STT3B: variants seen among roughly 807,000 people sequenced by gnomAD.
The protein encoded by STT3B is dolichyl-diphosphooligosaccharide--protein glycosyltransferase subunit STT3B.
STT3B carries 29 observed loss-of-function variants against 96.8 expected under a neutral mutation model. The ratio of observed to expected loss-of-function variants is 0.30; its 90% confidence interval spans 0.22 to 0.41. The LOEUF (loss-of-function observed/expected upper bound fraction) is 0.41, where lower values mean the gene tolerates loss of function less well. Among genes scored for constraint, STT3B ranks in the 10% least tolerant of loss-of-function variants. STT3B has a pLI of 1.00. For missense variants in STT3B, 640 were observed against 1,022.3 expected (o/e 0.63, Z 5.10); for synonymous variants, 367 against 360.0 (o/e 1.02, Z -0.22).
chr3:31,633,641 C>G (rs1699705745), intron 15 of STT3B, among the ~76,000 whole-genome samples: 1 of 151,870 alleles, frequency 6.6e-6, no homozygotes, highest in South Asian at 2.1e-4. Context: ...TGTGACAAAG[C>G]TTATAGGCAG....
intron 1 of STT3B, among the ~76,000 whole-genome samples, chr3:31,549,911 T>C (rs908105347): frequency 6.6e-5 from 10 of 152,326 alleles, no homozygotes; most frequent in Middle Eastern, 3.4e-3. Context: ...TGGGCTTAGC[T>C]GAGCAAAGTG....
chr3:31,584,368 A>C (rs1484429768), intron 3 of STT3B, among the ~76,000 whole-genome samples: 6 of 152,154 alleles, frequency 3.9e-5, no homozygotes, highest in African/African-American at 1.2e-4. Flanking sequence ...TAAGTCCTTC[A>C]ACTTTGTTGT....
At chr3:31,603,779 A>AT (rs1368666039) in intron 5 of STT3B, among the ~76,000 whole-genome samples, 2 of 152,180 alleles carry the variant, frequency 1.3e-5, no homozygotes, top group Admixed American at 6.5e-5. Flanking sequence ...TAGGGGAATG[A>AT]TTTTTTAATT....
Position 31,632,056 on chromosome 3 carries a change from A to G in STT3B, c.2188-879A>G, listed in dbSNP as rs567485714. Among the ~76,000 whole-genome samples, 292 of 151,570 alleles carry G rather than the reference A, an allele frequency of 1.9e-3. 2 individuals are homozygous for G. The highest frequency in any genetic ancestry group is 6.9e-3 in the African/African-American group (284 of 41,426). The stretch of plus-strand genomic sequence containing the variant: ...TTTTTTGTAGAGACAAGATCTTGCT[A>G]TGTTGCCCAGGCTGGTCTTGAACTC... On this transcript the variant is annotated intron_variant, in intron 14 of 15. Transcript: ENST00000295770.
intron 1 of STT3B, among the ~76,000 whole-genome samples, chr3:31,574,086 T>C (rs535459452): frequency 5.6e-4 from 86 of 152,232 alleles, no homozygotes; most frequent in African/African-American, 1.8e-3. Flanking sequence ...TTATTAGCAG[T>C]CCCTTGAAGT....
chr3:31,576,543 T>C (rs1402905210), intron 2 of STT3B, 39 bp downstream of exon 2: 3 of 1,182,338 alleles, frequency 2.5e-6, no homozygotes, highest in Non-Finnish European at 3.6e-6. Flanking sequence ...ATTATAACAT[T>C]TATTGTTACT....
At chr3:31,617,191 T>TTG in intron 7 of STT3B, 116 bp downstream of exon 7, 1 of 812,242 alleles carries the variant, frequency 1.2e-6, no homozygotes, top group Non-Finnish European at 1.7e-6. Flanking sequence ...TTTTTCTTTT[T>TTG]TTTTTTTTTT....
At chr3:31,615,868 A>T (rs1327976370) in intron 6 of STT3B, among the ~76,000 whole-genome samples, 1 of 151,898 alleles carries the variant, frequency 6.6e-6, no homozygotes, top group Non-Finnish European at 1.5e-5. Flanking sequence ...GGATTCTTAC[A>T]TCCTCTTTGT....
At chr3:31,564,517 C>T (rs575252252) in intron 1 of STT3B, among the ~76,000 whole-genome samples, 1 of 152,266 alleles carries the variant, frequency 6.6e-6, no homozygotes, top group African/African-American at 2.4e-5. Context: ...TAATATACAT[C>T]TCAATAAGTT....
In STT3B at chr3:31,573,048, A is replaced by T. The variant is rs150565278; in HGVS notation, c.315-3348A>T. Among the ~76,000 whole-genome samples the T allele has an allele frequency of 2.0e-5, 3 of 152,248 alleles. No homozygotes were observed. The East Asian group carries it at 5.8e-4, about 29-fold the overall frequency. On this transcript the variant is annotated intron_variant, in intron 1 of 15. Coordinates refer to ENST00000295770, the MANE Select transcript of STT3B (RefSeq NM_178862.3). The stretch of plus-strand genomic sequence containing the variant: ...AAGTTTGCAGGATGAGTTAACTGGG[A>T]TAGGGAGGGAGACATCAGTGATACA...
rs1285104381 is a variant in STT3B at position 31,610,293 on chromosome 3, C to T, written c.878-4812C>T. Among the ~76,000 whole-genome samples the T allele has an allele frequency of 3.9e-5, 6 of 152,232 alleles. 1 individual carries two copies. Among genetic ancestry groups the T allele is most frequent in the South Asian group, 4.1e-4 (2 of 4,824 alleles). On this transcript the variant is annotated intron_variant, in intron 5 of 15. Coordinates refer to ENST00000295770, the MANE Select transcript of STT3B (RefSeq NM_178862.3). ...TTGGTTGGATTTTAAAGTATCTACCCGTTGTGTGTGTTTTGGCTAATACTA... is the reference window on the plus strand; with the variant it reads ...TTGGTTGGATTTTAAAGTATCTACCTGTTGTGTGTGTTTTGGCTAATACTA...
At chr3:31,617,606 G>A (rs1029804963) in intron 7 of STT3B, among the ~76,000 whole-genome samples, 17 of 151,694 alleles carry the variant, frequency 1.1e-4, no homozygotes, top group Non-Finnish European at 1.6e-4. Flanking sequence ...CCTGCCCCCC[G>A]TTTATTTTAT....
intron 10 of STT3B, 100 bp from the exon 11 acceptor site, chr3:31,623,574 A>G: frequency 1.2e-6 from 1 of 861,306 alleles, no homozygotes; most frequent in Admixed American, 2.8e-5. Flanking sequence ...TCATAGAATT[A>G]AATTGATAGA....
intron 1 of STT3B, among the ~76,000 whole-genome samples, chr3:31,535,694 G>A (rs762762715): frequency 1.2e-4 from 19 of 152,170 alleles, no homozygotes; most frequent in Non-Finnish European, 1.3e-4. Flanking sequence ...CTGCACTCCA[G>A]CCTGGGCAAC....
At chr3:31,635,000 T>C (rs1699732159) in intron 15 of STT3B, among the ~76,000 whole-genome samples, 1 of 152,220 alleles carries the variant, frequency 6.6e-6, no homozygotes, top group Non-Finnish European at 1.5e-5. Flanking sequence ...TTGCCTTGTG[T>C]TCTCATCCCT....
intron 5 of STT3B, among the ~76,000 whole-genome samples, chr3:31,605,468 T>G (rs1193877859): frequency 6.6e-6 from 1 of 150,862 alleles, no homozygotes; most frequent in Non-Finnish European, 1.5e-5. Context: ...AATTGAATCA[T>G]GGGGGTGGTT....
intron 4 of STT3B, among the ~76,000 whole-genome samples, chr3:31,598,129 C>G (rs1401092315): frequency 6.6e-6 from 1 of 152,138 alleles, no homozygotes; most frequent in African/African-American, 2.4e-5. Context: ...AGCCACGGCA[C>G]CTGGCCCCTA....
intron 1 of STT3B, among the ~76,000 whole-genome samples, chr3:31,539,503 C>T (rs56823381): frequency 0.061 from 9,324 of 152,080 alleles, 956 homozygotes; most frequent in African/African-American, 0.21. Context: ...TTCCTCTTAC[C>T]ACACCCTCTG....
At chr3:31,614,392 G>T (rs1699257104) in intron 5 of STT3B, among the ~76,000 whole-genome samples, 1 of 151,852 alleles carries the variant, frequency 6.6e-6, no homozygotes, top group Non-Finnish European at 1.5e-5. Flanking sequence ...GCAGGTATTT[G>T]ACACAAATTG....
Sources: allele counts gnomAD v4.1 joint callset (sites outside exome capture counted in the v4.1 genomes callset), GRCh38; gene constraint gnomAD v4.1.1; transcripts MANE v1.5; gene names NCBI Gene and HGNC (gene_info 2026-07-23, HGNC 2026-07-21).